MED20: variants seen among roughly 807,000 people sequenced by gnomAD.
MED20 encodes mediator complex subunit 20.
A neutral mutation model predicts 19.7 loss-of-function variants in MED20; 19 were observed. That is an observed-to-expected ratio of 0.96 (90% confidence interval 0.67 to 1.42). The LOEUF (loss-of-function observed/expected upper bound fraction) is 1.42. MED20 is among the 40% of genes most tolerant of loss of function. The pLI is 0.00. For missense variants in MED20, 225 were observed against 273.0 expected (o/e 0.82, Z 1.24); for synonymous variants, 105 against 104.8 (o/e 1.00, Z -0.01).
At position 41,905,629 on chromosome 6, in the gene MED20, A is replaced by G. The variant is rs1255385484; in HGVS notation, c.*1443T>C. 1.3e-5 allele frequency: 2 copies of G among 152,236 alleles called. No homozygotes were observed. The highest frequency in any genetic ancestry group is 4.8e-5 in the African/African-American group (2 of 41,468). The allele number at this position is 152,236 out of a possible 1,614,324, so 9.4% of individuals were successfully genotyped here. On this transcript the variant is annotated 3_prime_UTR_variant, in exon 4 of 4. Coordinates refer to ENST00000265350, the MANE Select transcript of MED20 (RefSeq NM_004275.5). ...AAGGGACAGTATCCTTGATGACAAT[A>G]CAGTACATACATTCACAATTCTCCA...
At chr6:41,914,922 T>C (rs1176679639) in intron 2 of MED20, among the ~76,000 whole-genome samples, 1 of 152,144 alleles carries the variant, frequency 6.6e-6, no homozygotes, top group Non-Finnish European at 1.5e-5. Context: ...AAACAAAGAC[T>C]TCTGGGCCTA....
At position 41,907,335 on chromosome 6, in the gene MED20, A is replaced by G. The variant is rs201321598; in HGVS notation, c.424-48T>C. On this transcript the variant is annotated intron_variant, in intron 3 of 3. Coordinates refer to ENST00000265350, the MANE Select transcript of MED20 (RefSeq NM_004275.5). Reference sequence around the variant, plus strand: ...ATGAGGGTGAATGAAGGCTAAGACAAGGTCTGCTTCTCTTGTACCTCCTGC... The same window carrying G: ...ATGAGGGTGAATGAAGGCTAAGACAGGGTCTGCTTCTCTTGTACCTCCTGC... 9.7e-6 allele frequency: 15 copies of G among 1,540,856 alleles called. No homozygotes were observed. In the East Asian group the frequency reaches 2.6e-4, roughly 27 times the overall value.
chr6:41,919,508 G>A (rs1775404608), intron 1 of MED20, among the ~76,000 whole-genome samples: 1 of 152,178 alleles, frequency 6.6e-6, no homozygotes, highest in African/African-American at 2.4e-5. Context: ...TGTTGCTAAT[G>A]TGCCTTATTT....
Position 41,908,590 on chromosome 6 carries a change from G to A in MED20, c.423+679C>T, listed in dbSNP as rs552359633. Among the ~76,000 whole-genome samples, 9 of 152,122 alleles carry A rather than the reference G, an allele frequency of 5.9e-5. No individual in the cohort carries two copies. In the South Asian group the frequency reaches 6.2e-4, roughly 11 times the overall value. Reference sequence around the variant, plus strand: ...AGGTATATGGGCATATGTGATTTAGGGCCCACCGCCAGAAAATTGTTCTAA... The same window carrying A: ...AGGTATATGGGCATATGTGATTTAGAGCCCACCGCCAGAAAATTGTTCTAA... On this transcript the variant is annotated intron_variant, in intron 3 of 3. Coordinates refer to ENST00000265350, the MANE Select transcript of MED20 (RefSeq NM_004275.5).
At chr6:41,919,128 C>CAAA (rs35512146) in intron 1 of MED20, among the ~76,000 whole-genome samples, 84 of 44,560 alleles carry the variant, frequency 1.9e-3, no homozygotes, top group East Asian at 3.3e-3. Flanking sequence ...GACTCTGCCT[C>CAAA]AAAAAAAAAA....
chr6:41,907,694 TATGCTC>T (rs1260780266), intron 3 of MED20, among the ~76,000 whole-genome samples: 2 of 151,990 alleles, frequency 1.3e-5, no homozygotes, highest in African/African-American at 4.8e-5. Flanking sequence ...AGTGGACACA[TATGCTC>T]ATGAGTTTTT....
intron 1 of MED20, among the ~76,000 whole-genome samples, chr6:41,919,706 G>A (rs1429325751): frequency 1.3e-5 from 2 of 152,092 alleles, no homozygotes; most frequent in African/African-American, 4.8e-5. Flanking sequence ...AAAGCAGGAG[G>A]CTCGCTTGAG....
rs769852552 is a variant in MED20, at chr6:41,916,859, C to A, written c.95G>T (p.Gly32Val). ...ELLTRKLEML[G>V]AEKQGTFCVD... ...ACAAAATGTTCCTTGCTTCTCTGCCCCAAGCATCTCCAATTTCCGGGTAAG... is the reference window on the plus strand; with the variant it reads ...ACAAAATGTTCCTTGCTTCTCTGCCACAAGCATCTCCAATTTCCGGGTAAG... The change falls in exon 2 of 4, where the codon GGG becomes GTG. Residue 32 changes from glycine to valine, a missense_variant. Gly to Val is a moderately radical substitution (Grantham distance 109, BLOSUM62 -3). Transcript: ENST00000265350. 1 of 1,614,102 alleles carries A rather than the reference C, an allele frequency of 6.2e-7. No homozygotes were observed. The highest frequency in any genetic ancestry group is 8.5e-7 in the Non-Finnish European group (1 of 1,180,016).
Position 41,907,068 on chromosome 6 carries a change from A to G in MED20, c.*4T>C, listed in dbSNP as rs1189474472. 2 of 1,612,658 alleles carry G rather than the reference A, an allele frequency of 1.2e-6. No homozygotes were observed. Among genetic ancestry groups the G allele is most frequent in the Non-Finnish European group, 1.7e-6 (2 of 1,179,640 alleles). On this transcript the variant is annotated 3_prime_UTR_variant, in exon 4 of 4. Coordinates refer to ENST00000265350, the MANE Select transcript of MED20 (RefSeq NM_004275.5). Reference sequence around the variant, plus strand: ...GACAGAGCTCAGCTGGCAGCTGCTCATCACTAACGAATCCCAGCCACCGGC... The same window carrying G: ...GACAGAGCTCAGCTGGCAGCTGCTCGTCACTAACGAATCCCAGCCACCGGC...
intron 1 of MED20, among the ~76,000 whole-genome samples, chr6:41,918,735 C>A (rs1414626509): frequency 2.6e-5 from 4 of 151,176 alleles, no homozygotes; most frequent in Non-Finnish European, 5.9e-5. Context: ...ATCATGAGGT[C>A]AGGAGATCGA....
intron 1 of MED20, among the ~76,000 whole-genome samples, chr6:41,918,537 G>C (rs1219392925): frequency 6.6e-6 from 1 of 151,648 alleles, no homozygotes; most frequent in African/African-American, 2.4e-5. Flanking sequence ...AACTTGGCCA[G>C]GCACGGTGGC....
At chr6:41,918,145 G>A (rs1473693503) in intron 1 of MED20, among the ~76,000 whole-genome samples, 9 of 152,176 alleles carry the variant, frequency 5.9e-5, no homozygotes, top group Admixed American at 1.3e-4. Flanking sequence ...AAGGCCTTTA[G>A]ATGAATTAAC....
intron 2 of MED20, among the ~76,000 whole-genome samples, chr6:41,911,902 C>A (rs201062435): frequency 6.6e-6 from 1 of 152,188 alleles, no homozygotes; most frequent in East Asian, 1.9e-4. Flanking sequence ...GTTCTGTCTA[C>A]TCACTGTAAT....
intron 1 of MED20, chr6:41,917,461 A>C (rs942491091): frequency 4.6e-6 from 1 of 215,712 alleles, no homozygotes. Context: ...AGAGTAGAAC[A>C]AGGAGTCCAA....
At chr6:41,915,810 T>A (rs376237961) in intron 2 of MED20, among the ~76,000 whole-genome samples, 4 of 51,198 alleles carry the variant, frequency 7.8e-5, no homozygotes, top group South Asian at 5.1e-4. Flanking sequence ...ACATAAATAC[T>A]CACATACAAA....
chr6:41,920,136 T>C (rs1433232095), intron 1 of MED20, among the ~76,000 whole-genome samples: 2 of 152,162 alleles, frequency 1.3e-5, no homozygotes, highest in African/African-American at 4.8e-5. Flanking sequence ...CTCATCTTCT[T>C]TCAACTGAGA....
intron 3 of MED20, 125 bp from the exon 4 acceptor site, chr6:41,907,412 A>C: frequency 1.2e-6 from 1 of 826,648 alleles, no homozygotes; most frequent in Non-Finnish European, 1.9e-6. Context: ...ACCTCCTAGC[A>C]CAGTATTGGT....
rs1775440173 is a variant in MED20 at position 41,920,741 on chromosome 6, A to G, written c.14+264T>C. On this transcript the variant is annotated intron_variant, in intron 1 of 3. Transcript: ENST00000265350. The stretch of plus-strand genomic sequence containing the variant: ...AGCCAAGATCGCTCCACTGCACTCC[A>G]GTCTGGCGACAGAGCGAGACCCCGT... 9.9e-6 allele frequency: 4 copies of G among 404,274 alleles called. No individual in the cohort carries two copies. In the South Asian group the frequency reaches 1.7e-4, roughly 17 times the overall value. The allele number at this position is 404,274 out of a possible 1,614,324, so 25.0% of individuals were successfully genotyped here.
intron 2 of MED20, among the ~76,000 whole-genome samples, chr6:41,915,057 T>A (rs1325842454): frequency 1.3e-5 from 2 of 152,146 alleles, no homozygotes; most frequent in Non-Finnish European, 2.9e-5. Flanking sequence ...CTAACAAGTA[T>A]CCCAGGTGAT....
Sources: gnomAD v4.1 joint callset for allele counts (sites outside exome capture counted in the v4.1 genomes callset) on GRCh38, gnomAD v4.1.1 for gene constraint, MANE v1.5 for transcripts, NCBI Gene and HGNC (gene_info 2026-07-23, HGNC 2026-07-21) for gene names.